Variants in UNC5A observed in about 807,000 individuals in gnomAD.
UNC5A encodes unc-5 netrin receptor A.
UNC5A carries 20 observed loss-of-function variants against 87.4 expected under a neutral mutation model. That is an observed-to-expected ratio of 0.23 (90% confidence interval 0.16 to 0.33). The LOEUF is 0.33. Ranked by LOEUF, UNC5A falls within the 10% of genes least tolerant of loss-of-function variation. The probability of loss-of-function intolerance (pLI) is 1.00; values close to 1 mark genes in which losing one functional copy is unlikely to be tolerated. For synonymous variants in UNC5A, 438 were observed against 482.3 expected (o/e 0.91, Z 1.20); for missense variants, 844 against 1,133.4 (o/e 0.74, Z 3.67).
intron 1 of UNC5A, among the ~76,000 whole-genome samples, chr5:176,829,328 T>TATGG (rs546614651): frequency 0.15 from 13,987 of 93,132 alleles, 1,140 homozygotes; most frequent in African/African-American, 0.25. Context: ...ATGTATGAAA[T>TATGG]ATGGATGGAT....
chr5:176,880,046 C>T lies in UNC5A; in HGVS notation c.*160C>T, dbSNP rs988407059. 1.2e-5 allele frequency: 12 copies of T among 969,862 alleles called. No homozygotes were observed. Among genetic ancestry groups the T allele is most frequent in the East Asian group, 5.4e-5 (2 of 36,728 alleles). 60.1% of individuals were successfully genotyped at this position (969,862 alleles called of 1,614,324 possible). ...TAATGCTGGTCCTTCAGACCCTGCC[C>T]GAACTCCCACCTCTCCATGGCCTGC... On this transcript the variant is annotated 3_prime_UTR_variant, in exon 15 of 15. Coordinates refer to ENST00000329542, the MANE Select transcript of UNC5A (RefSeq NM_133369.3).
At chr5:176,868,990 AGGGAGAGG>A in intron 5 of UNC5A, 26 bp downstream of exon 5, 3 of 1,575,668 alleles carry the variant, frequency 1.9e-6, no homozygotes, top group Non-Finnish European at 2.6e-6. Flanking sequence ...CCCTGGTCAC[AGGGAGAGG>A]CACTGCGGTG....
At chr5:176,826,471 T>G (rs1756855740) in intron 1 of UNC5A, among the ~76,000 whole-genome samples, 1 of 152,224 alleles carries the variant, frequency 6.6e-6, no homozygotes, top group South Asian at 2.1e-4. Flanking sequence ...AGTTGGACTT[T>G]GATGCATATA....
intron 1 of UNC5A, among the ~76,000 whole-genome samples, chr5:176,830,846 G>A (rs1472834166): frequency 6.7e-6 from 1 of 149,958 alleles, no homozygotes; most frequent in Non-Finnish European, 1.5e-5. Flanking sequence ...TGGCATGTGT[G>A]TGTGCTGGCG....
chr5:176,821,783 A>G (rs1045493834), intron 1 of UNC5A, among the ~76,000 whole-genome samples: 1 of 152,200 alleles, frequency 6.6e-6, no homozygotes, highest in Non-Finnish European at 1.5e-5. Flanking sequence ...AAGTGACCGC[A>G]GGCAGGGAGT....
Position 176,866,321 on chromosome 5 carries a change from G to T in UNC5A, c.293-1809G>T, listed in dbSNP as rs529651425. Among the ~76,000 whole-genome samples the T allele has an allele frequency of 5.1e-4, 78 of 152,312 alleles. 1 individual carries two copies. The South Asian group carries it at 0.012, about 24-fold the overall frequency. ...CTCCAGGAGCTTGTGGGGCTGAAGG[G>T]CACCCCTCACCAAGGCACTGCGTGG... On this transcript the variant is annotated intron_variant, in intron 2 of 14. Transcript: ENST00000329542. The surrounding 1 kb of genome is among the most constrained non-coding windows in gnomAD (Gnocchi z 5.0).
At chr5:176,840,894 G>A (rs979730209) in intron 1 of UNC5A, among the ~76,000 whole-genome samples, 4 of 152,246 alleles carry the variant, frequency 2.6e-5, no homozygotes, top group African/African-American at 4.8e-5. Flanking sequence ...CCCCCACAAC[G>A]CTTGAGCAGC....
chr5:176,844,257 G>T lies in UNC5A; in HGVS notation c.71-18367G>T, dbSNP rs1389982714. Among the ~76,000 whole-genome samples the T allele has an allele frequency of 6.6e-6, 1 of 152,064 alleles. No homozygotes were observed. Among genetic ancestry groups the T allele is most frequent in the African/African-American group, 2.4e-5 (1 of 41,404 alleles). ...AGGACAGAGCTGGAGAGAACACTTG[G>T]TCCTGGTATCCCGTGGGCCACCGGG... On this transcript the variant is annotated intron_variant, in intron 1 of 14. Transcript: ENST00000329542. The surrounding 1 kb of genome is among the most constrained non-coding windows in gnomAD (Gnocchi z 4.2).
rs530465221 is a variant in UNC5A, at chr5:176,823,489, T to C, written c.70+12669T>C. Among the ~76,000 whole-genome samples the C allele has an allele frequency of 3.9e-5, 6 of 152,190 alleles. No individual in the cohort carries two copies. In the East Asian group the frequency reaches 9.7e-4, roughly 25 times the overall value. ...TGGCCCAGGAGAGACGTCCAACAGGTCCTGGTGGTGCTGGGGCCATCCGGT... is the reference window on the plus strand; with the variant it reads ...TGGCCCAGGAGAGACGTCCAACAGGCCCTGGTGGTGCTGGGGCCATCCGGT... On this transcript the variant is annotated intron_variant, in intron 1 of 14. Transcript: ENST00000329542.
At chr5:176,867,458 G>A (rs1212176938) in intron 2 of UNC5A, among the ~76,000 whole-genome samples, 1 of 152,122 alleles carries the variant, frequency 6.6e-6, no homozygotes, top group Non-Finnish European at 1.5e-5. Context: ...TCTCCCTAGT[G>A]CATAGGCGCC....
At chr5:176,829,879 T>G (rs1463100508) in intron 1 of UNC5A, among the ~76,000 whole-genome samples, 1 of 103,982 alleles carries the variant, frequency 9.6e-6, no homozygotes, top group African/African-American at 2.9e-5. Context: ...ACATCACTGC[T>G]CCTTTTTTTT....
intron 11 of UNC5A, 53 bp downstream of exon 11, chr5:176,878,180 C>T (rs1477351310): frequency 1.2e-6 from 2 of 1,603,606 alleles, no homozygotes; most frequent in Middle Eastern, 1.6e-4. Flanking sequence ...ATGCCTGGCC[C>T]TGTGGACTGC....
chr5:176,838,253 TATTTTAGG>T lies in UNC5A; in HGVS notation c.71-24361_71-24354del, dbSNP rs1183569397. Among the ~76,000 whole-genome samples the T allele has an allele frequency of 6.6e-6, 1 of 152,226 alleles. No individual in the cohort carries two copies. The highest frequency in any genetic ancestry group is 1.9e-4 in the East Asian group (1 of 5,198). On this transcript the variant is annotated intron_variant, in intron 1 of 14. Coordinates refer to ENST00000329542, the MANE Select transcript of UNC5A (RefSeq NM_133369.3). This position sits in a 1 kb window ranked among gnomAD's most constrained non-coding sequence, Gnocchi z 4.2. ...GATTGGTGAGGCCTAATTCAGATGG[TATTTTAGG>T]ATTTTAGGAAGCCACTCCCCTGCTA...
Position 176,869,030 on chromosome 5 carries a change from C to G in UNC5A, c.721+66C>G. 1 of 1,509,466 alleles carries G rather than the reference C, an allele frequency of 6.6e-7. No homozygotes were observed. Among genetic ancestry groups the G allele is most frequent in the Non-Finnish European group, 8.9e-7 (1 of 1,125,526 alleles). The allele number at this position is 1,509,466 out of a possible 1,614,324, so 93.5% of individuals were successfully genotyped here. ...GGTGCCCCTGGGCAGTGACATGTGG[C>G]TGGTGGGGTGAAGAGAGGCCATGAG... is the stretch of plus-strand genomic sequence containing the variant. On this transcript the variant is annotated intron_variant, in intron 5 of 14. Coordinates refer to ENST00000329542, the MANE Select transcript of UNC5A (RefSeq NM_133369.3). This position sits in a 1 kb window ranked among gnomAD's most constrained non-coding sequence, Gnocchi z 9.1.
rs370897763 is a variant in UNC5A, at chr5:176,868,825, G to A, written c.582G>A (p.Leu194=). 13 of 1,609,152 alleles carry A rather than the reference G, an allele frequency of 8.1e-6. No homozygotes were observed. The highest frequency in any genetic ancestry group is 1.1e-5 in the Non-Finnish European group (13 of 1,176,958). ...LRNEDLVDPS[L]DPNVYITREH... ...ACGAGGACCTGGTGGACCCGTCCCTGGACCCCAATGTATACATCACGCGGG... is the reference window on the plus strand; with the variant it reads ...ACGAGGACCTGGTGGACCCGTCCCTAGACCCCAATGTATACATCACGCGGG... The change falls in exon 5 of 15, where the codon CTG becomes CTA. Residue 194 remains leucine, a synonymous_variant. Transcript: ENST00000329542.
rs957256195 is a variant in UNC5A, at chr5:176,869,072, C to A, written c.721+108C>A. The stretch of plus-strand genomic sequence containing the variant: ...GGCCATGAGGCCAAAGCCAGGTGGA[C>A]CAGATCGTGCCTGACTAGGCAGGAT... On this transcript the variant is annotated intron_variant, in intron 5 of 14. Coordinates refer to ENST00000329542, the MANE Select transcript of UNC5A (RefSeq NM_133369.3). The surrounding 1 kb of genome is among the most constrained non-coding windows in gnomAD (Gnocchi z 9.1). The A allele has an allele frequency of 2.4e-6, 3 of 1,252,894 alleles. No individual in the cohort carries two copies. Among genetic ancestry groups the A allele is most frequent in the South Asian group, 1.5e-5 (1 of 65,960 alleles). 77.6% of individuals were successfully genotyped at this position (1,252,894 alleles called of 1,614,324 possible).
rs200888971 is a variant in UNC5A at position 176,879,887 on chromosome 5, G to A, written c.*1G>A. On this transcript the variant is annotated 3_prime_UTR_variant, in exon 15 of 15. Transcript: ENST00000329542. ...CACAGTGTCGGAGGCTGAGTGCTGA[G>A]GCCGGCCAGGCCCGACACCTACACT... 9.1e-5 allele frequency: 144 copies of A among 1,585,930 alleles called. No individual in the cohort carries two copies. The highest frequency in any genetic ancestry group is 1.2e-4 in the Non-Finnish European group (140 of 1,165,874).
chr5:176,863,080 G>A (rs1247096593), intron 2 of UNC5A, among the ~76,000 whole-genome samples: 2 of 152,214 alleles, frequency 1.3e-5, no homozygotes, highest in Admixed American at 6.5e-5. Flanking sequence ...CGGTTCATTC[G>A]ATCAGTCAGG....
At chr5:176,854,208 G>C (rs1433536723) in intron 1 of UNC5A, among the ~76,000 whole-genome samples, 1 of 151,952 alleles carries the variant, frequency 6.6e-6, no homozygotes, top group South Asian at 2.1e-4. Context: ...GTAGTCTCCG[G>C]TAGAGATTGA....
Sources: allele counts gnomAD v4.1 joint callset (sites outside exome capture counted in the v4.1 genomes callset), GRCh38; gene constraint gnomAD v4.1.1; non-coding constraint Gnocchi (gnomAD v3.1); transcripts MANE v1.5; gene names NCBI Gene and HGNC (gene_info 2026-07-23, HGNC 2026-07-21).